Variants in DNHD1 observed in about 807,000 individuals in gnomAD.
The protein encoded by DNHD1 is dynein heavy chain domain-containing protein 1.
DNHD1 carries 383 observed loss-of-function variants against 458.1 expected under a neutral mutation model. The ratio of observed to expected loss-of-function variants is 0.84; its 90% CI spans 0.77 to 0.91. The LOEUF (loss-of-function observed/expected upper bound fraction) is 0.91. Ranked by LOEUF, DNHD1 falls within the 40% of genes least tolerant of loss-of-function variation. The probability of loss-of-function intolerance (pLI) is 0.00; values close to 1 mark genes in which losing one functional copy is unlikely to be tolerated. For missense variants in DNHD1, 5,336 were observed against 5,866.1 expected (o/e 0.91, Z 2.95); for synonymous variants, 2,203 against 2,376.9 (o/e 0.93, Z 2.13).
chr11:6,566,526 C>T, intron 34 of DNHD1, 61 bp from the exon 35 acceptor site: 2 of 1,587,416 alleles, frequency 1.3e-6, no homozygotes, highest in Non-Finnish European at 1.7e-6. Context: ...TACTCCCTGT[C>T]TACTCTACCC....
rs1419855971 is a variant in DNHD1 at position 6,558,961 on chromosome 11, C to A, written c.9271C>A (p.Leu3091Ile). The change falls in exon 27 of 43, where the codon CTT becomes ATT. Residue 3091 changes from leucine to isoleucine, a missense_variant. Physicochemically the swap from Leu to Ile is conservative, Grantham distance 5. Coordinates refer to ENST00000254579, the MANE Select transcript of DNHD1 (RefSeq NM_144666.3). ...TCCCAGTGTGGCCAAAGCCATGGCT[C>A]TTATCCACCTTTCGGCCACCCACTA... The part of the protein sequence containing the change: ...SIPSVAKAMA[L>I]IHLSATHYHE... 6.4e-7 allele frequency: 1 copy of A among 1,551,742 alleles called. No homozygotes were observed. Among genetic ancestry groups the A allele is most frequent in the East Asian group, 2.4e-5 (1 of 40,918 alleles).
In DNHD1 at chr11:6,546,690, T is replaced by C. The variant is rs560619594; in HGVS notation, c.5751T>C (p.Phe1917=). The change falls in exon 21 of 43, where the codon TTT becomes TTC. Residue 1917 remains phenylalanine, a synonymous_variant. Transcript: ENST00000254579. ...CTGCCCTACTGCGCTCACCACTGTT[T>C]AGCATTCTCAATGGGCTCCACCTGC... ...EEAALLRSPL[F]SILNGLHLHN... The C allele has an allele frequency of 2.7e-5, 15 of 551,788 alleles. No homozygotes were observed. The highest frequency in any genetic ancestry group is 2.7e-4 in the African/African-American group (10 of 37,234). The allele number at this position is 551,788 out of a possible 1,614,324, so 34.2% of individuals were successfully genotyped here.
At chr11:6,521,046 TAAATTTAGGTTAATTG>T (rs1300020411) in intron 10 of DNHD1, among the ~76,000 whole-genome samples, 1 of 152,240 alleles carries the variant, frequency 6.6e-6, no homozygotes, top group Non-Finnish European at 1.5e-5. Context: ...TTTCTCCAAA[TAAATTTAGGTTAATTG>T]ATAGAGACTA....
intron 7 of DNHD1, among the ~76,000 whole-genome samples, chr11:6,518,004 A>G (rs1476692053): frequency 6.6e-6 from 1 of 152,154 alleles, no homozygotes; most frequent in Non-Finnish European, 1.5e-5. Context: ...ATATCTAAAA[A>G]TGTTTTTATT....
At position 6,558,255 on chromosome 11, in the gene DNHD1, T is replaced by G; in HGVS notation, c.8960T>G (p.Leu2987Arg). The change falls in exon 25 of 43, where the codon CTT (leucine) becomes CGT (arginine). Residue 2987 changes from leucine to arginine, a missense_variant. Leu to Arg is a moderately radical substitution (Grantham distance 102). Coordinates refer to ENST00000254579, the MANE Select transcript of DNHD1 (RefSeq NM_144666.3). ...RIGEHLPREN[L>R]GVKQNIKKEM... ...GGAGAACACCTCCCCAGGGAGAACC[T>G]TGGTGTCAAACAGAACATCAAGAAG... The G allele has an allele frequency of 6.4e-7, 1 of 1,551,568 alleles. No homozygotes were observed. Among genetic ancestry groups the G allele is most frequent in the South Asian group, 1.2e-5 (1 of 84,050 alleles).
chr11:6,565,735 G>T lies in DNHD1; in HGVS notation c.10797G>T (p.Thr3599=). 6.4e-7 allele frequency: 1 copy of T among 1,550,668 alleles called. No individual in the cohort carries two copies. The highest frequency in any genetic ancestry group is 8.7e-7 in the Non-Finnish European group (1 of 1,146,844). Residue 3599 remains threonine, a synonymous_variant, in exon 33 of 43, where the codon ACG becomes ACT. Coordinates refer to ENST00000254579, the MANE Select transcript of DNHD1 (RefSeq NM_144666.3). ...LMRNQKRESK[T]DMKEEDDESE... ...GAAATCAAAAGAGAGAGAGTAAAAC[G>T]GACATGAAAGAGGAAGATGATGAGA...
chr11:6,559,757 A>G (rs1853546652), intron 28 of DNHD1, among the ~76,000 whole-genome samples: 1 of 152,244 alleles, frequency 6.6e-6, no homozygotes, highest in Admixed American at 6.5e-5. Flanking sequence ...AGAAATTTGT[A>G]TTATGGCATA....
At position 6,547,297 on chromosome 11, in the gene DNHD1, C is replaced by A; in HGVS notation, c.6358C>A (p.Pro2120Thr). The change falls in exon 21 of 43, where the codon CCA becomes ACA. Residue 2120 changes from proline to threonine, a missense_variant. Pro to Thr is a conservative substitution (Grantham distance 38). This residue lies in a region of DNHD1 where 3,932 missense variants were observed against 4,365.6 expected (regional missense o/e 0.90). Coordinates refer to ENST00000254579, the MANE Select transcript of DNHD1 (RefSeq NM_144666.3). ...CAGTGGACAGCAGATAGCACGACCC[C>A]CAGGCACCTTTCTCTTGATGGAGGT... ...LPSGQQIARP[P>T]GTFLLMEVAD... is the part of the protein sequence containing the mutation. 6.4e-7 allele frequency: 1 copy of A among 1,551,826 alleles called. No homozygotes were observed.
In DNHD1 at chr11:6,548,978, T is replaced by A; in HGVS notation, c.7387+45T>A. The A allele has an allele frequency of 1.3e-6, 2 of 1,531,598 alleles. No homozygotes were observed. Among genetic ancestry groups the A allele is most frequent in the Non-Finnish European group, 1.8e-6 (2 of 1,137,210 alleles). 94.9% of individuals were successfully genotyped at this position (1,531,598 alleles called of 1,614,324 possible). ...GAAGGAAGGAGCTACTGTCATCTCT[T>A]GAGACTATAAAATCCCTAGCAATAT... is the stretch of plus-strand genomic sequence containing the variant. On this transcript the variant is annotated intron_variant, in intron 24 of 42. Transcript: ENST00000254579. This position sits in a 1 kb window ranked among gnomAD's most constrained non-coding sequence, Gnocchi z 4.4.
intron 32 of DNHD1, 49 bp from the exon 33 acceptor site, chr11:6,565,646 A>T: frequency 6.8e-7 from 1 of 1,479,806 alleles, no homozygotes; most frequent in Non-Finnish European, 9.0e-7. Context: ...TCCCCTAAGG[A>T]GTCTGATTCC....
intron 14 of DNHD1, among the ~76,000 whole-genome samples, chr11:6,537,653 C>T (rs1384779488): frequency 6.6e-6 from 1 of 152,168 alleles, no homozygotes; most frequent in Admixed American, 6.5e-5. Flanking sequence ...TGCTGTCTGG[C>T]TAGGCGCAAT....
Position 6,547,145 on chromosome 11 carries a change from G to T in DNHD1, c.6206G>T (p.Gly2069Val), listed in dbSNP as rs1853238783. 8.4e-6 allele frequency: 13 copies of T among 1,551,766 alleles called. No individual in the cohort carries two copies. Among genetic ancestry groups the T allele is most frequent in the Non-Finnish European group, 1.0e-5 (12 of 1,146,998 alleles). The change falls in exon 21 of 43, where the codon GGC becomes GTC. Residue 2069 changes from glycine (G) to valine (V), a missense_variant. Transcript: ENST00000254579. ...GCAGCCGGTCAGTGTAACAACATGG[G>T]CCAAAAGAGGCAGACAGAGGAATCA... ...LRAAGQCNNM[G>V]QKRQTEESIG...
rs768124107 is a variant in DNHD1, at chr11:6,511,269, C to A, written c.1236-4C>A. 3.7e-6 allele frequency: 6 copies of A among 1,613,854 alleles called. No homozygotes were observed. The highest frequency in any genetic ancestry group is 5.1e-6 in the Non-Finnish European group (6 of 1,179,920). On this transcript the variant is annotated splice_polypyrimidine_tract_variant and splice_region_variant and intron_variant, in intron 6 of 42. Transcript: ENST00000254579. ...GCTCTGACCAGCTTAGTCCTTGATT[C>A]TAGGCTTCTGCAGGAGCTACACTCT...
Position 6,528,919 on chromosome 11 carries a change from T to A in DNHD1, c.2145T>A (p.His715Gln). The change falls in exon 12 of 43, where the codon CAT becomes CAA. Residue 715 changes from histidine to glutamine, a missense_variant. His to Gln is a conservative substitution (Grantham distance 24, BLOSUM62 0). Coordinates refer to ENST00000254579, the MANE Select transcript of DNHD1 (RefSeq NM_144666.3). ...CKVQEFCREHHWITGIYEFLQ... is the reference protein window; with the variant it reads ...CKVQEFCREHQWITGIYEFLQ... ...TGCAGGAATTCTGCAGGGAACATCATTGGATAACAGGCATTTATGAATTCC... is the reference window on the plus strand; with the variant it reads ...TGCAGGAATTCTGCAGGGAACATCAATGGATAACAGGCATTTATGAATTCC... 6.4e-7 allele frequency: 1 copy of A among 1,551,746 alleles called. No homozygotes were observed. Among genetic ancestry groups the A allele is most frequent in the Non-Finnish European group, 8.7e-7 (1 of 1,147,000 alleles).
At chr11:6,552,130 T>G (rs772450494) in intron 24 of DNHD1, among the ~76,000 whole-genome samples, 3 of 149,886 alleles carry the variant, frequency 2.0e-5, no homozygotes, top group Non-Finnish European at 4.4e-5. Flanking sequence ...AAAAACTTTA[T>G]GCTAATAAAT....
chr11:6,537,690 T>G (rs1367968436), intron 14 of DNHD1, among the ~76,000 whole-genome samples: 1 of 152,174 alleles, frequency 6.6e-6, no homozygotes, highest in Admixed American at 6.5e-5. Context: ...CCCAGCACTT[T>G]GGGAGGCCGA....
chr11:6,546,386 C>T lies in DNHD1; in HGVS notation c.5447C>T (p.Ala1816Val), dbSNP rs1189549602. 1 of 1,552,086 alleles carries T rather than the reference C, an allele frequency of 6.4e-7. No homozygotes were observed. Among genetic ancestry groups the T allele is most frequent in the Non-Finnish European group, 8.7e-7 (1 of 1,147,040 alleles). Residue 1816 changes from alanine to valine, a missense_variant, in exon 21 of 43, where the codon GCC (alanine) becomes GTC (valine). This residue lies in a region of DNHD1 where 3,932 missense variants were observed against 4,365.6 expected (regional missense o/e 0.90). Transcript: ENST00000254579. The stretch of plus-strand genomic sequence containing the variant: ...CGTGCCCTGAGCTCTGCTGTGCCTG[C>T]CAACCTGCACCTGCTGCTGCGGCCT... ...VLRALSSAVP[A>V]NLHLLLRPVA...
At chr11:6,528,431 G>GTT in intron 10 of DNHD1, 91 bp from the exon 11 acceptor site, 3 of 1,345,662 alleles carry the variant, frequency 2.2e-6, no homozygotes, top group Non-Finnish European at 3.0e-6. Flanking sequence ...GTGTGTGTGT[G>GTT]TGTGTACACA....
At position 6,557,684 on chromosome 11, in the gene DNHD1, A is replaced by G. The variant is rs1853497238; in HGVS notation, c.8389A>G (p.Met2797Val). 6.4e-7 allele frequency: 1 copy of G among 1,551,732 alleles called. No individual in the cohort carries two copies. Among genetic ancestry groups the G allele is most frequent in the East Asian group, 2.4e-5 (1 of 40,920 alleles). Residue 2797 changes from methionine to valine, a missense_variant, in exon 25 of 43, where the codon ATG becomes GTG. This residue lies in a region of DNHD1 where 3,932 missense variants were observed against 4,365.6 expected (regional missense o/e 0.90). Transcript: ENST00000254579. Reference protein sequence around the residue: ...FKTWWQKKPQMDLISPLLLPV... With the variant: ...FKTWWQKKPQVDLISPLLLPV... The stretch of plus-strand genomic sequence containing the variant: ...GACTTGGTGGCAGAAGAAACCCCAG[A>G]TGGACCTGATCTCACCCTTGTTGTT...
Sources: allele counts gnomAD v4.1 joint callset (sites outside exome capture counted in the v4.1 genomes callset), GRCh38; gene constraint gnomAD v4.1.1; regional missense constraint gnomAD v4.1.1; non-coding constraint Gnocchi (gnomAD v3.1); transcripts MANE v1.5; gene names NCBI Gene and HGNC (gene_info 2026-07-23, HGNC 2026-07-21).